MAP6: variants seen among roughly 807,000 people sequenced by gnomAD.
MAP6 encodes microtubule-associated protein 6.
Under a neutral mutation model 42.4 loss-of-function variants are expected in MAP6, and 26 were observed. That is an observed-to-expected ratio of 0.61 (90% confidence interval 0.45 to 0.85). The LOEUF is 0.85. Ranked by LOEUF, MAP6 falls within the 40% of genes least tolerant of loss-of-function variation. The pLI, the probability that MAP6 is intolerant of heterozygous loss-of-function variation, is 0.00. For missense variants in MAP6, 966 were observed against 1,099.0 expected (o/e 0.88, Z 1.71); for synonymous variants, 418 against 443.8 (o/e 0.94, Z 0.73).
At chr11:75,625,449 T>C (rs192375448) in intron 1 of MAP6, among the ~76,000 whole-genome samples, 1 of 152,238 alleles carries the variant, frequency 6.6e-6, no homozygotes, top group East Asian at 1.9e-4. Context: ...GAGAAGAGGA[T>C]GTTGGGGCCT....
At chr11:75,635,698 T>G (rs1333165959) in intron 1 of MAP6, among the ~76,000 whole-genome samples, 39 of 152,218 alleles carry the variant, frequency 2.6e-4, no homozygotes, top group Admixed American at 2.6e-3. Flanking sequence ...CTTCATTCCT[T>G]CGTGAGCCAT....
At position 75,668,252 on chromosome 11, in the gene MAP6, G is replaced by A; in HGVS notation, c.118C>T (p.Pro40Ser). ...FTKYSEATEH[P>S]GAPPQPPPPQ... ...GGCGGTGGCTGCGGCGGGGCGCCCG[G>A]GTGCTCGGTGGCCTCCGAGTACTTG... Residue 40 changes from proline to serine, a missense_variant, in exon 1 of 4, where the codon CCG becomes TCG. Physicochemically the swap from Pro to Ser is moderately conservative, Grantham distance 74. Coordinates refer to ENST00000304771, the MANE Select transcript of MAP6 (RefSeq NM_033063.2). 6.8e-7 allele frequency: 1 copy of A among 1,466,484 alleles called. No homozygotes were observed. 90.8% of individuals were successfully genotyped at this position (1,466,484 alleles called of 1,614,324 possible). A position where few individuals can be genotyped will look rare whatever the true frequency, so the allele number is the denominator to read the frequency against.
At chr11:75,612,972 G>T (rs899122225) in intron 1 of MAP6, among the ~76,000 whole-genome samples, 4 of 152,116 alleles carry the variant, frequency 2.6e-5, no homozygotes, top group African/African-American at 9.7e-5. Flanking sequence ...GATAAGATAA[G>T]ACAAAATTTA....
intron 1 of MAP6, among the ~76,000 whole-genome samples, chr11:75,646,525 G>C (rs7482921): frequency 0.086 from 11,991 of 140,182 alleles, 892 homozygotes; most frequent in African/African-American, 0.2. Context: ...AAAAAAAAAG[G>C]CAAGAGCAGT....
At chr11:75,658,524 C>T (rs1339980063) in intron 1 of MAP6, among the ~76,000 whole-genome samples, 1 of 152,156 alleles carries the variant, frequency 6.6e-6, no homozygotes. Flanking sequence ...ACATTCTATT[C>T]TTGCTGGAGA....
At chr11:75,625,846 C>A (rs1023962467) in intron 1 of MAP6, among the ~76,000 whole-genome samples, 17 of 152,154 alleles carry the variant, frequency 1.1e-4, no homozygotes, top group Non-Finnish European at 2.1e-4. Context: ...ATTAAAAGAC[C>A]TCTGTTAATT....
intron 3 of MAP6, among the ~76,000 whole-genome samples, chr11:75,591,129 C>A (rs1049968032): frequency 6.6e-6 from 1 of 151,908 alleles, no homozygotes; most frequent in East Asian, 1.9e-4. Flanking sequence ...GATGTATAAC[C>A]TAAAGCTGAA....
At chr11:75,603,278 C>A (rs1369501268) in intron 3 of MAP6, 9 of 985,602 alleles carry the variant, frequency 9.1e-6, no homozygotes, top group Non-Finnish European at 1.1e-5. Context: ...TGTACAGAGG[C>A]CAGTGGGACG....
intron 1 of MAP6, among the ~76,000 whole-genome samples, chr11:75,637,198 A>G (rs1943383736): frequency 6.6e-6 from 1 of 152,222 alleles, no homozygotes; most frequent in Non-Finnish European, 1.5e-5. Context: ...AGAATTTTAA[A>G]TCAATTTTCA....
intron 1 of MAP6, among the ~76,000 whole-genome samples, chr11:75,618,782 T>C (rs1261361938): frequency 3.3e-5 from 5 of 152,198 alleles, no homozygotes; most frequent in Non-Finnish European, 7.3e-5. Context: ...ATTGACCTCC[T>C]GTCGATGCCC....
chr11:75,587,552 T>C lies in MAP6; in HGVS notation c.1949A>G (p.Glu650Gly). ...DPMVPEHPKD[E>G]SAMATAPIKN... ...TATGGGTGCTGTGGCCATGGCACTT[T>C]CATCCTTCGGATGCTCTGGGACCAT... Residue 650 changes from glutamate (E) to glycine (G), a missense_variant, in exon 4 of 4, where the codon GAA becomes GGA. Around this residue, in one of 2 missense-constraint regions of MAP6, gnomAD observed 943 missense variants for 1,049.9 expected, o/e 0.90. Coordinates refer to ENST00000304771, the MANE Select transcript of MAP6 (RefSeq NM_033063.2). The C allele has an allele frequency of 6.2e-7, 1 of 1,614,222 alleles. No homozygotes were observed. Among genetic ancestry groups the C allele is most frequent in the East Asian group, 2.2e-5 (1 of 44,884 alleles).
At chr11:75,664,523 T>C (rs1943913226) in intron 1 of MAP6, among the ~76,000 whole-genome samples, 1 of 152,242 alleles carries the variant, frequency 6.6e-6, no homozygotes, top group Non-Finnish European at 1.5e-5. Context: ...GTAAAGTCCA[T>C]GAGACGAACC....
chr11:75,608,000 G>A, intron 2 of MAP6, 109 bp downstream of exon 2: 5 of 991,334 alleles, frequency 5.0e-6, no homozygotes, highest in East Asian at 2.5e-5. Flanking sequence ...GATTTTAAAG[G>A]TGCCCGTGGA....
At chr11:75,602,163 C>G (rs1201147559) in intron 3 of MAP6, among the ~76,000 whole-genome samples, 2 of 152,144 alleles carry the variant, frequency 1.3e-5, no homozygotes, top group Non-Finnish European at 2.9e-5. Flanking sequence ...ACCCAGCCCC[C>G]CAGTTTTCCA....
rs1017930546 is a variant in MAP6, at chr11:75,667,436, C to T, written c.905+29G>A. On this transcript the variant is annotated intron_variant, in intron 1 of 3. Transcript: ENST00000304771. This position sits in a 1 kb window ranked among gnomAD's most constrained non-coding sequence, Gnocchi z 5.6. ...CGCGGGGAGGGTCTGCGTGGTGACT[C>T]CCCCGCGCTAGCAGCGGCCGCGTCT... 17 of 1,444,964 alleles carry T rather than the reference C, an allele frequency of 1.2e-5. No individual in the cohort carries two copies. Among genetic ancestry groups the T allele is most frequent in the Non-Finnish European group, 1.5e-5 (17 of 1,105,512 alleles). 89.5% of individuals were successfully genotyped at this position (1,444,964 alleles called of 1,614,324 possible).
intron 1 of MAP6, among the ~76,000 whole-genome samples, chr11:75,660,050 T>A (rs977379546): frequency 6.6e-6 from 1 of 152,188 alleles, no homozygotes. Context: ...CAAACAGACA[T>A]AAAACACTGC....
chr11:75,607,465 T>C, intron 2 of MAP6: 1 of 985,470 alleles, frequency 1.0e-6, no homozygotes, highest in Non-Finnish European at 1.2e-6. Flanking sequence ...CACGAACTCC[T>C]ATGTAAGGTG....
At chr11:75,627,360 C>T (rs1383044212) in intron 1 of MAP6, among the ~76,000 whole-genome samples, 1 of 152,170 alleles carries the variant, frequency 6.6e-6, no homozygotes, top group East Asian at 1.9e-4. Context: ...CAGAGATAAA[C>T]CAGTTAGTAA....
chr11:75,654,912 G>C (rs1943715784), intron 1 of MAP6, among the ~76,000 whole-genome samples: 1 of 152,096 alleles, frequency 6.6e-6, no homozygotes, highest in East Asian at 1.9e-4. Context: ...AGGACACAAG[G>C]GCACCTCCCA....
Sources: gnomAD v4.1 joint callset for allele counts (sites outside exome capture counted in the v4.1 genomes callset) on GRCh38, gnomAD v4.1.1 for gene constraint, gnomAD v4.1.1 regional missense constraint, Gnocchi (gnomAD v3.1) non-coding constraint, MANE v1.5 for transcripts, NCBI Gene and HGNC (gene_info 2026-07-23, HGNC 2026-07-21) for gene names.